Variants in UBE4B observed in about 807,000 individuals in gnomAD.
UBE4B encodes ubiquitination factor E4B, also known as ubiquitin conjugation factor E4 B.
In UBE4B, 27 loss-of-function variants were observed where a neutral mutation model predicts 148.1. The ratio of observed to expected loss-of-function variants is 0.18; its 90% CI spans 0.13 to 0.25. UBE4B has a LOEUF of 0.25. Among genes scored for constraint, UBE4B ranks in the 10% least tolerant of loss-of-function variants. The pLI is 1.00. For missense variants in UBE4B, 1,170 were observed against 1,662.4 expected (o/e 0.70, Z 5.15); for synonymous variants, 596 against 619.3 (o/e 0.96, Z 0.56).
At chr1:10,065,139 T>C (rs1232407053) in intron 1 of UBE4B, among the ~76,000 whole-genome samples, 1 of 152,178 alleles carries the variant, frequency 6.6e-6, no homozygotes, top group Non-Finnish European at 1.5e-5. Context: ...ACATTCACTT[T>C]GTCTGTATAT....
intron 3 of UBE4B, among the ~76,000 whole-genome samples, chr1:10,100,467 T>C (rs1042556594): frequency 3.3e-5 from 5 of 152,210 alleles, no homozygotes; most frequent in African/African-American, 1.2e-4. Flanking sequence ...GCTCGGACCA[T>C]AGGCGCATGC....
intron 25 of UBE4B, among the ~76,000 whole-genome samples, chr1:10,177,123 A>G (rs1484670425): frequency 1.3e-5 from 2 of 152,012 alleles, no homozygotes; most frequent in Non-Finnish European, 2.9e-5. Flanking sequence ...GCTAGGTCAT[A>G]TCAGATGATA....
rs546203099 is a variant in UBE4B at position 10,064,172 on chromosome 1, C to T, written c.25-7856C>T. ...TCTCTGCCGGCGCTCCTTTGTTCCT[C>T]GTCTGCCTAACCCCTACCTGTCCTG... On this transcript the variant is annotated intron_variant, in intron 1 of 27. Transcript: ENST00000343090. 7.2e-5 allele frequency among the ~76,000 whole-genome samples: 11 copies of T among 152,272 alleles called. No homozygotes were observed. The East Asian group carries it at 1.4e-3, about 19-fold the overall frequency.
At chr1:10,084,545 T>C (rs1644733325) in intron 2 of UBE4B, among the ~76,000 whole-genome samples, 1 of 151,646 alleles carries the variant, frequency 6.6e-6, no homozygotes, top group Non-Finnish European at 1.5e-5. Context: ...GATTGAAAGC[T>C]CTGAAAAAAA....
intron 1 of UBE4B, among the ~76,000 whole-genome samples, chr1:10,045,371 A>C (rs538921471): frequency 6.6e-6 from 1 of 152,308 alleles, no homozygotes; most frequent in South Asian, 2.1e-4. Flanking sequence ...AGGCAATGCA[A>C]CCTTAGGTCA....
intron 1 of UBE4B, among the ~76,000 whole-genome samples, chr1:10,055,273 T>TTTTTCTTTTCTTTTC (rs539556768): frequency 1.3e-3 from 196 of 151,872 alleles, no homozygotes; most frequent in African/African-American, 4.5e-3. Flanking sequence ...TTTTCATCAT[T>TTTTTCTTTTCTTTTC]TTTTCTTTTC....
At chr1:10,047,562 G>A (rs1333883326) in intron 1 of UBE4B, among the ~76,000 whole-genome samples, 1 of 144,868 alleles carries the variant, frequency 6.9e-6, no homozygotes, top group Non-Finnish European at 1.5e-5. Context: ...GCGTGATCTC[G>A]GCTCACCGCA....
intron 12 of UBE4B, 102 bp downstream of exon 12, chr1:10,129,550 A>T: frequency 8.3e-7 from 1 of 1,205,614 alleles, no homozygotes; most frequent in Non-Finnish European, 1.2e-6. Flanking sequence ...CTTGAAGGAC[A>T]TTTAGGTGTA....
chr1:10,167,385 G>C (rs550901625), intron 23 of UBE4B, among the ~76,000 whole-genome samples: 16 of 151,588 alleles, frequency 1.1e-4, no homozygotes, highest in African/African-American at 3.6e-4. Flanking sequence ...GTTCCGGTGA[G>C]CCGAGATCGC....
chr1:10,132,828 GT>G (rs1268320367), intron 15 of UBE4B, among the ~76,000 whole-genome samples: 3 of 152,208 alleles, frequency 2.0e-5, no homozygotes, highest in Non-Finnish European at 4.4e-5. Context: ...GCCAGCCATT[GT>G]AGTGGCTGAG....
Position 10,103,015 on chromosome 1 carries a change from T to C in UBE4B, c.503T>C (p.Val168Ala). 6.2e-7 allele frequency: 1 copy of C among 1,613,726 alleles called. No individual in the cohort carries two copies. Among genetic ancestry groups the C allele is most frequent in the Non-Finnish European group, 8.5e-7 (1 of 1,179,900 alleles). ...ALQLVCKIFR[V>A]SWKDRDRDVI... ...CAGCTGGTCTGTAAGATCTTCCGTGTCTCTTGGAAGGACCGGGACAGAGAT... is the reference window on the plus strand; with the variant it reads ...CAGCTGGTCTGTAAGATCTTCCGTGCCTCTTGGAAGGACCGGGACAGAGAT... Residue 168 changes from valine to alanine, a missense_variant, in exon 5 of 28, where the codon GTC becomes GCC. Physicochemically the swap from Val to Ala is moderately conservative, Grantham distance 64. This residue lies in a region of UBE4B where 91 missense variants were observed against 120.5 expected (regional missense o/e 0.76). Coordinates refer to ENST00000343090, the MANE Select transcript of UBE4B (RefSeq NM_001105562.3).
chr1:10,076,741 C>CTTTTTTT (rs61563451), intron 2 of UBE4B, among the ~76,000 whole-genome samples: 2 of 105,860 alleles, frequency 1.9e-5, no homozygotes, highest in Non-Finnish European at 3.7e-5. Flanking sequence ...CAGTCCCAGC[C>CTTTTTTT]TTTTTTTTTT....
intron 1 of UBE4B, among the ~76,000 whole-genome samples, chr1:10,043,309 A>G (rs1036143913): frequency 1.3e-5 from 2 of 151,602 alleles, no homozygotes; most frequent in African/African-American, 2.4e-5. Flanking sequence ...GCACCCGGCC[A>G]ACTTTCAGTA....
intron 17 of UBE4B, among the ~76,000 whole-genome samples, chr1:10,144,184 A>G (rs909982869): frequency 3.9e-5 from 6 of 152,224 alleles, no homozygotes; most frequent in African/African-American, 1.4e-4. Flanking sequence ...GAAGGAGCAA[A>G]GCCAGAGATA....
chr1:10,156,497 C>G (rs926960557), intron 21 of UBE4B, among the ~76,000 whole-genome samples: 10 of 151,940 alleles, frequency 6.6e-5, no homozygotes, highest in African/African-American at 9.7e-5. Flanking sequence ...ACCCGGGCCT[C>G]CTGAAGTGCT....
At chr1:10,034,997 T>G (rs537405581) in intron 1 of UBE4B, among the ~76,000 whole-genome samples, 16 of 152,200 alleles carry the variant, frequency 1.1e-4, no homozygotes, top group South Asian at 4.1e-4. Flanking sequence ...GTGGGTTTTT[T>G]TTTGTTTGTT....
chr1:10,086,356 C>T (rs553104569), intron 2 of UBE4B, among the ~76,000 whole-genome samples: 1 of 152,222 alleles, frequency 6.6e-6, no homozygotes, highest in South Asian at 2.1e-4. Flanking sequence ...GATCCACCCG[C>T]CTTGGCCTCC....
chr1:10,061,912 CTT>C (rs767477329), intron 1 of UBE4B, among the ~76,000 whole-genome samples: 32 of 138,216 alleles, frequency 2.3e-4, no homozygotes, highest in Admixed American at 2.2e-4. Context: ...CTTCTTTTTT[CTT>C]TTTTTTTTTT....
In UBE4B at chr1:10,168,857, A is replaced by C. The variant is rs894429697; in HGVS notation, c.3333+587A>C. Among the ~76,000 whole-genome samples, 31 of 149,966 alleles carry C rather than the reference A, an allele frequency of 2.1e-4. No individual in the cohort carries two copies. Among genetic ancestry groups the C allele is most frequent in the African/African-American group, 7.4e-4 (30 of 40,658 alleles). On this transcript the variant is annotated intron_variant, in intron 24 of 27. Coordinates refer to ENST00000343090, the MANE Select transcript of UBE4B (RefSeq NM_001105562.3). The surrounding 1 kb of genome is among the most constrained non-coding windows in gnomAD (Gnocchi z 4.9). ...CAGTGAGCCGAGATGGTGCCACTGC[A>C]CTCCAGCCTGGGCGACAGAGTGAGA... is the stretch of plus-strand genomic sequence containing the variant.
Sources: allele counts gnomAD v4.1 joint callset (sites outside exome capture counted in the v4.1 genomes callset), GRCh38; gene constraint gnomAD v4.1.1; regional missense constraint gnomAD v4.1.1; non-coding constraint Gnocchi (gnomAD v3.1); transcripts MANE v1.5; gene names NCBI Gene and HGNC (gene_info 2026-07-23, HGNC 2026-07-21).